Variants in PKIG observed in about 807,000 individuals in gnomAD.
The protein encoded by PKIG is protein kinase (cAMP-dependent, catalytic) inhibitor gamma.
In PKIG, 1 loss-of-function variant was observed where a neutral mutation model predicts 6.8. The ratio of observed to expected loss-of-function variants is 0.15; its 90% CI spans 0.05 to 0.69. The LOEUF is 0.69. PKIG is among the 30% of genes least tolerant of loss of function. The probability of loss-of-function intolerance (pLI) is 0.82; values close to 1 mark genes in which losing one functional copy is unlikely to be tolerated. For missense variants in PKIG, 77 were observed against 104.0 expected, an observed-to-expected ratio of 0.74 and a Z score of 1.13; for synonymous variants, 39 against 43.0, an observed-to-expected ratio of 0.91 and a Z score of 0.36.
intron 2 of PKIG, among the ~76,000 whole-genome samples, chr20:44,590,491 G>A (rs752240399): frequency 1.4e-4 from 21 of 152,148 alleles, no homozygotes; most frequent in Admixed American, 2.6e-4. Flanking sequence ...AATGTTTCTG[G>A]CATAAGTTAA....
intron 1 of PKIG, among the ~76,000 whole-genome samples, chr20:44,584,865 A>T (rs754701082): frequency 2.6e-5 from 4 of 151,992 alleles, no homozygotes; most frequent in Non-Finnish European, 5.9e-5. Flanking sequence ...CTGGGATTAC[A>T]GGCGCCTGCC....
Position 44,533,639 on chromosome 20 carries a change from A to G in PKIG, c.-241+1661A>G, listed in dbSNP as rs376099670. On this transcript the variant is annotated intron_variant, in intron 1 of 4. Transcript: ENST00000372887. Reference sequence around the variant, plus strand: ...CCAAAAGCAGTCCACTACAACTGGAACTTAAAGATCAATATTGAAAGAGAT... The same window carrying G: ...CCAAAAGCAGTCCACTACAACTGGAGCTTAAAGATCAATATTGAAAGAGAT... Among the ~76,000 whole-genome samples, 12 of 152,248 alleles carry G rather than the reference A, an allele frequency of 7.9e-5. 1 individual carries two copies. Among genetic ancestry groups the G allele is most frequent in the East Asian group, 1.9e-4 (1 of 5,186 alleles).
At chr20:44,606,478 G>A (rs1355885513) in intron 2 of PKIG, among the ~76,000 whole-genome samples, 1 of 152,132 alleles carries the variant, frequency 6.6e-6, no homozygotes, top group Non-Finnish European at 1.5e-5. Flanking sequence ...AGGTCATGAG[G>A]GCTCCTTCCT....
intron 1 of PKIG, among the ~76,000 whole-genome samples, chr20:44,584,243 C>A (rs549796705): frequency 6.6e-6 from 1 of 152,258 alleles, no homozygotes; most frequent in East Asian, 1.9e-4. Flanking sequence ...CTCCACTAGA[C>A]CATCTGCACC....
chr20:44,590,578 T>G (rs1322551288), intron 2 of PKIG, among the ~76,000 whole-genome samples: 1 of 152,236 alleles, frequency 6.6e-6, no homozygotes, highest in Non-Finnish European at 1.5e-5. Flanking sequence ...TCTGGTGAAT[T>G]TCTTTGAATT....
chr20:44,593,822 GT>G (rs1383296183), intron 2 of PKIG, among the ~76,000 whole-genome samples: 2 of 152,172 alleles, frequency 1.3e-5, no homozygotes, highest in Admixed American at 1.3e-4. Flanking sequence ...TGATAATCAT[GT>G]CACAGTGTGA....
chr20:44,583,497 C>G (rs994285351), intron 1 of PKIG, among the ~76,000 whole-genome samples: 1 of 141,270 alleles, frequency 7.1e-6, no homozygotes. Context: ...TGGTGGGTCC[C>G]TGAACTGAGG....
At chr20:44,579,106 G>A (rs1044897968), upstream of PKIG, among the ~76,000 whole-genome samples, 2 of 152,168 alleles carry the variant, frequency 1.3e-5, no homozygotes, top group South Asian at 2.1e-4. Context: ...ATTTTAATAA[G>A]TATCTCATAA....
upstream of PKIG, among the ~76,000 whole-genome samples, chr20:44,579,520 G>A (rs2064929268): frequency 6.6e-6 from 1 of 152,248 alleles, no homozygotes; most frequent in African/African-American, 2.4e-5. Flanking sequence ...GGCTCACCAT[G>A]CATCTGTTGC....
At chr20:44,615,887 T>C (rs2065260074) in intron 3 of PKIG, among the ~76,000 whole-genome samples, 1 of 151,840 alleles carries the variant, frequency 6.6e-6, no homozygotes, top group Admixed American at 6.6e-5. Flanking sequence ...ACCCAGGGAG[T>C]TAACATAGAA....
intron 1 of PKIG, among the ~76,000 whole-genome samples, chr20:44,558,806 C>T (rs2064742718): frequency 6.6e-6 from 1 of 151,178 alleles, no homozygotes; most frequent in Non-Finnish European, 1.5e-5. Context: ...GGCTGGAGTG[C>T]AGTGGCATGA....
intron 2 of PKIG, among the ~76,000 whole-genome samples, chr20:44,603,892 C>T (rs993489977): frequency 2.0e-5 from 3 of 152,124 alleles, no homozygotes; most frequent in Non-Finnish European, 4.4e-5. Flanking sequence ...AACATCCTTC[C>T]GTGTCAATAT....
chr20:44,547,400 ATGATGACATCAGGATGC>A (rs1393278790), intron 1 of PKIG, among the ~76,000 whole-genome samples: 1 of 152,248 alleles, frequency 6.6e-6, no homozygotes. Context: ...TAGAGAGAAT[ATGATGACATCAGGATGC>A]TGATTTTGAT....
intron 1 of PKIG, among the ~76,000 whole-genome samples, chr20:44,551,751 AT>A (rs1287842772): frequency 6.6e-6 from 1 of 152,216 alleles, no homozygotes; most frequent in East Asian, 1.9e-4. Context: ...TTAAAATAAA[AT>A]GTGCTGTCAC....
intron 1 of PKIG, among the ~76,000 whole-genome samples, chr20:44,566,738 C>T (rs1225167776): frequency 1.3e-5 from 2 of 152,132 alleles, no homozygotes; most frequent in Non-Finnish European, 2.9e-5. Flanking sequence ...CCCAGCTACT[C>T]GGGAGGCTTT....
chr20:44,557,250 G>C (rs144514098), intron 1 of PKIG, among the ~76,000 whole-genome samples: 2 of 152,040 alleles, frequency 1.3e-5, no homozygotes, highest in Non-Finnish European at 2.9e-5. Flanking sequence ...TGGGCTGGGC[G>C]CGGTGGCTCA....
chr20:44,590,233 GT>G (rs2123382747), intron 2 of PKIG, among the ~76,000 whole-genome samples: 1 of 152,322 alleles, frequency 6.6e-6, no homozygotes, highest in South Asian at 2.1e-4. Context: ...TCTCCACCAA[GT>G]GTTTGCTGTA....
In PKIG at chr20:44,614,315, T is replaced by G. The variant is rs2065244462; in HGVS notation, c.-23-219T>G. 5 of 469,730 alleles carry G rather than the reference T, an allele frequency of 1.1e-5. No individual in the cohort carries two copies. The South Asian group carries it at 1.5e-4, about 14-fold the overall frequency. 29.1% of individuals were successfully genotyped at this position (469,730 alleles called of 1,614,324 possible). A position where few individuals can be genotyped will look rare whatever the true frequency, so the allele number is the denominator to read the frequency against. ...CAATAATTTTATTTAAAGAAAAGTC[T>G]GAGCCCATGTTCTTTAAAATGTTGA... is the stretch of plus-strand genomic sequence containing the variant. On this transcript the variant is annotated intron_variant, in intron 2 of 3. Transcript: ENST00000372886. The surrounding 1 kb of genome is among the most constrained non-coding windows in gnomAD (Gnocchi z 4.6).
intron 2 of PKIG, among the ~76,000 whole-genome samples, chr20:44,601,075 A>G (rs2065117725): frequency 6.6e-6 from 1 of 152,138 alleles, no homozygotes; most frequent in Non-Finnish European, 1.5e-5. Context: ...AGGGAGGCCC[A>G]AAGGGTGTGG....
Sources: allele counts gnomAD v4.1 joint callset (sites outside exome capture counted in the v4.1 genomes callset), GRCh38; gene constraint gnomAD v4.1.1; non-coding constraint Gnocchi (gnomAD v3.1); transcripts MANE v1.5; gene names NCBI Gene and HGNC (gene_info 2026-07-23, HGNC 2026-07-21).